The following TNRC18 variants were observed in gnomAD, a reference collection of about 807,000 sequenced individuals.
TNRC18 encodes trinucleotide repeat containing 18, also known as trinucleotide repeat-containing gene 18 protein.
In TNRC18, 69 loss-of-function variants were observed where a neutral mutation model predicts 226.7. That is an observed-to-expected ratio of 0.30 (90% CI 0.25 to 0.37). The LOEUF is 0.37. Among genes scored for constraint, TNRC18 ranks in the 10% least tolerant of loss-of-function variants. The pLI is 1.00. For missense variants in TNRC18, 4,754 were observed against 4,256.6 expected (o/e 1.12, Z -3.25); for synonymous variants, 2,449 against 1,927.6 (o/e 1.27, Z -7.09).
At chr7:5,326,659 T>C (rs1462613851) in intron 19 of TNRC18, among the ~76,000 whole-genome samples, 2 of 151,482 alleles carry the variant, frequency 1.3e-5, no homozygotes, top group Non-Finnish European at 2.9e-5. Context: ...AAATGGCCAT[T>C]AGCTGGGCAT....
intron 2 of TNRC18, among the ~76,000 whole-genome samples, chr7:5,409,476 G>A (rs901269890): frequency 6.6e-6 from 1 of 151,992 alleles, no homozygotes; most frequent in African/African-American, 2.4e-5. Context: ...TGTAGTCCGA[G>A]AAGGCTGAGG....
In TNRC18 at chr7:5,307,761, ACCCGGGCC is replaced by A. The variant is rs2128097484; in HGVS notation, c.*337_*344del. On this transcript the variant is annotated 3_prime_UTR_variant, in exon 30 of 30. Transcript: ENST00000430969. ...CCCCAGTCTGCATGGACCTGGGGGC[ACCCGGGCC>A]CCCACGCAGCAGCAGCCTGGAGGGC... 2.7e-6 allele frequency: 1 copy of A among 373,198 alleles called. No homozygotes were observed. The highest frequency in any genetic ancestry group is 4.0e-5 in the Admixed American group (1 of 24,936). The allele number at this position is 373,198 out of a possible 1,614,324, so 23.1% of individuals were successfully genotyped here.
In TNRC18 at chr7:5,377,639, C is replaced by T. The variant is rs934337218; in HGVS notation, c.2256-63G>A. The T allele has an allele frequency of 1.3e-4, 196 of 1,492,444 alleles. No homozygotes were observed. The highest frequency in any genetic ancestry group is 1.7e-4 in the Non-Finnish European group (188 of 1,103,282). The allele number at this position is 1,492,444 out of a possible 1,614,324, so 92.5% of individuals were successfully genotyped here. ...CAGCCCAGGGGACGAGAGGGAGAAG[C>T]GGGGTTGCCCCAAGGAACTGTTTGC... On this transcript the variant is annotated intron_variant, in intron 6 of 29. Transcript: ENST00000430969. The surrounding 1 kb of genome is among the most constrained non-coding windows in gnomAD (Gnocchi z 5.8).
intron 19 of TNRC18, among the ~76,000 whole-genome samples, chr7:5,325,793 G>C (rs1255610242): frequency 7.3e-6 from 1 of 137,572 alleles, no homozygotes; most frequent in Admixed American, 8.0e-5. Context: ...CCAGAGGACT[G>C]TGGCACCATC....
chr7:5,317,921 G>A (rs1788014353), intron 24 of TNRC18, among the ~76,000 whole-genome samples: 1 of 151,970 alleles, frequency 6.6e-6, no homozygotes, highest in African/African-American at 2.4e-5. Flanking sequence ...CCAGGCTAGA[G>A]TGCAGCGGTG....
In TNRC18 at chr7:5,332,953, G is replaced by C; in HGVS notation, c.5816C>G (p.Pro1939Arg). The C allele has an allele frequency of 1.3e-6, 2 of 1,554,268 alleles. No individual in the cohort carries two copies. Among genetic ancestry groups the C allele is most frequent in the South Asian group, 1.2e-5 (1 of 85,490 alleles). The change falls in exon 19 of 30, where the codon CCG (proline) becomes CGG (arginine). Residue 1939 changes from proline (P) to arginine (R), a missense_variant. Coordinates refer to ENST00000430969, the MANE Select transcript of TNRC18 (RefSeq NM_001080495.3). ...CGTGGGTGCGGCCAGGGAGGGTCCC[G>C]GCTCCCCCAGCCCCTTCTTGGGCCG... ...LLRPKKGLGE[P>R]GPSLAAPTPG...
intron 2 of TNRC18, among the ~76,000 whole-genome samples, chr7:5,396,161 ACT>A (rs1329779315): frequency 1.1e-4 from 13 of 120,564 alleles, no homozygotes; most frequent in Middle Eastern, 6.4e-3. Flanking sequence ...ACAGAGAGAG[ACT>A]CTGTCTCAAA....
chr7:5,395,320 C>A (rs1355588113), intron 2 of TNRC18, among the ~76,000 whole-genome samples: 1 of 152,118 alleles, frequency 6.6e-6, no homozygotes, highest in Non-Finnish European at 1.5e-5. Context: ...GAGGGCAACC[C>A]CTCCAGACAG....
At chr7:5,420,263 C>T (rs1782469838) in intron 2 of TNRC18, 1 of 389,558 alleles carries the variant, frequency 2.6e-6, no homozygotes, top group Non-Finnish European at 5.1e-6. Flanking sequence ...CCTCCAGCAG[C>T]TCGATGTGAG....
chr7:5,320,629 G>A (rs1485286556), intron 22 of TNRC18, 22 bp from the exon 23 acceptor site: 1 of 1,606,158 alleles, frequency 6.2e-7, no homozygotes, highest in Admixed American at 1.7e-5. Context: ...AACGAGGCGT[G>A]AGGTGGCAGA....
intron 2 of TNRC18, among the ~76,000 whole-genome samples, chr7:5,397,856 G>T (rs960155718): frequency 1.3e-5 from 2 of 152,124 alleles, no homozygotes; most frequent in African/African-American, 4.8e-5. Context: ...TCATGCCTCT[G>T]TCTTCCCCGA....
intron 8 of TNRC18, among the ~76,000 whole-genome samples, chr7:5,376,490 G>T (rs567441660): frequency 1.3e-5 from 2 of 152,190 alleles, no homozygotes; most frequent in East Asian, 3.9e-4. Context: ...AGGTCAGCAC[G>T]CAGACACGTA....
rs958701163 is a variant in TNRC18 at position 5,307,237 on chromosome 7, C to T, written c.*869G>A. The T allele has an allele frequency of 1.3e-5, 2 of 148,870 alleles. No individual in the cohort carries two copies. Among genetic ancestry groups the T allele is most frequent in the African/African-American group, 4.9e-5 (2 of 40,712 alleles). The allele number at this position is 148,870 out of a possible 1,614,324, so 9.2% of individuals were successfully genotyped here. ...TTTTTATAATTTCATAGCTATTTTT[C>T]ACAGTTTTAAAAAGTTTATATATAT... On this transcript the variant is annotated 3_prime_UTR_variant, in exon 30 of 30. Transcript: ENST00000430969.
Position 5,388,080 on chromosome 7 carries a change from C to T in TNRC18, c.1744G>A (p.Ala582Thr), listed in dbSNP as rs1332418109. 1 of 1,554,904 alleles carries T rather than the reference C, an allele frequency of 6.4e-7. No individual in the cohort carries two copies. The highest frequency in any genetic ancestry group is 8.7e-7 in the Non-Finnish European group (1 of 1,149,762). ...MHSAAHGSGE[A>T]SAMQSLIKYS... Reference sequence around the variant, plus strand: ...TTTATAAGGCTCTGCATGGCCGAGGCCTCTCCAGACCCGTGGGCCGCAGAG... The same window carrying T: ...TTTATAAGGCTCTGCATGGCCGAGGTCTCTCCAGACCCGTGGGCCGCAGAG... The change falls in exon 5 of 30, where the codon GCC becomes ACC. Residue 582 changes from alanine to threonine, a missense_variant. Coordinates refer to ENST00000430969, the MANE Select transcript of TNRC18 (RefSeq NM_001080495.3).
intron 24 of TNRC18, among the ~76,000 whole-genome samples, chr7:5,319,941 T>C (rs1788183379): frequency 1.3e-5 from 2 of 152,194 alleles, no homozygotes; most frequent in Non-Finnish European, 2.9e-5. Flanking sequence ...CCAGGCCCGG[T>C]CGATCAGACT....
intron 18 of TNRC18, among the ~76,000 whole-genome samples, chr7:5,338,587 C>T (rs1421803296): frequency 7.0e-6 from 1 of 142,792 alleles, no homozygotes; most frequent in Admixed American, 7.2e-5. Flanking sequence ...GATTGTGTCA[C>T]TGCACTCCAG....
intron 17 of TNRC18, among the ~76,000 whole-genome samples, chr7:5,350,942 C>G (rs1207915976): frequency 6.6e-6 from 1 of 152,104 alleles, no homozygotes; most frequent in Non-Finnish European, 1.5e-5. Context: ...ACGCACCCTT[C>G]AAAACAGAAA....
chr7:5,357,618 G>A (rs1259819249), intron 15 of TNRC18, among the ~76,000 whole-genome samples: 1 of 152,106 alleles, frequency 6.6e-6, no homozygotes, highest in African/African-American at 2.4e-5. Flanking sequence ...TGGTAGCTGG[G>A]AATACAGGCG....
intron 19 of TNRC18, among the ~76,000 whole-genome samples, chr7:5,327,351 ATATATATGTGTG>A (rs1180301322): frequency 6.6e-6 from 1 of 150,570 alleles, no homozygotes; most frequent in African/African-American, 2.5e-5. Context: ...GGGGGGAAAA[ATATATATGTGTG>A]TGTTTGTGCG....
Sources: gnomAD v4.1 joint callset for allele counts (sites outside exome capture counted in the v4.1 genomes callset) on GRCh38, gnomAD v4.1.1 for gene constraint, Gnocchi (gnomAD v3.1) non-coding constraint, MANE v1.5 for transcripts, NCBI Gene and HGNC (gene_info 2026-07-23, HGNC 2026-07-21) for gene names.